UMODL1: variants seen among roughly 807,000 people sequenced by gnomAD.
The protein encoded by UMODL1 is uromodulin like 1.
UMODL1 carries 128 observed loss-of-function variants against 136.3 expected under a neutral mutation model. The observed-to-expected ratio is 0.94, with a 90% confidence interval of 0.81 to 1.09. UMODL1 has a LOEUF of 1.09. UMODL1 is among the 50% of genes least tolerant of loss of function. The probability of loss-of-function intolerance (pLI) is 0.00; values close to 1 mark genes in which losing one functional copy is unlikely to be tolerated. For synonymous variants in UMODL1, 721 were observed against 720.0 expected, an observed-to-expected ratio of 1.00 and a Z score of -0.02; for missense variants, 1,766 against 1,725.6, an observed-to-expected ratio of 1.02 and a Z score of -0.41.
At chr21:42,105,759 C>T (rs1299079163) in intron 9 of UMODL1, among the ~76,000 whole-genome samples, 4 of 152,180 alleles carry the variant, frequency 2.6e-5, no homozygotes, top group Non-Finnish European at 4.4e-5. Context: ...AGAGGGAGGG[C>T]GGCCCTGCTG....
At chr21:42,137,299 C>G in intron 21 of UMODL1, 140 bp from the exon 22 acceptor site, 1 of 1,081,078 alleles carries the variant, frequency 9.3e-7, no homozygotes, top group Non-Finnish European at 1.4e-6. Flanking sequence ...TTTGGTAACC[C>G]ACAGGCACAC....
chr21:42,136,617 C>T (rs1302265421), intron 21 of UMODL1, among the ~76,000 whole-genome samples: 3 of 152,228 alleles, frequency 2.0e-5, no homozygotes, highest in Non-Finnish European at 2.9e-5. Flanking sequence ...TGTTGGTGGA[C>T]ACTTCAGTTG....
In UMODL1 at chr21:42,122,592, T is replaced by C. The variant is rs1211919000; in HGVS notation, c.2828-239T>C. Among the ~76,000 whole-genome samples, 1 of 147,138 alleles carries C rather than the reference T, an allele frequency of 6.8e-6. No homozygotes were observed. The highest frequency in any genetic ancestry group is 1.9e-4 in the East Asian group (1 of 5,158). ...GTGTGCGTGCGTGTGTGCATGTGTG[T>C]GCATGTGTGTGCATCTCTGCGTGCA... On this transcript the variant is annotated intron_variant, in intron 16 of 22. Transcript: ENST00000408910. This position sits in a 1 kb window ranked among gnomAD's most constrained non-coding sequence, Gnocchi z 4.3.
chr21:42,081,905 G>T (rs887319679), intron 2 of UMODL1, among the ~76,000 whole-genome samples: 2 of 152,128 alleles, frequency 1.3e-5, no homozygotes, highest in Non-Finnish European at 2.9e-5. Flanking sequence ...TTTTGCACTG[G>T]GAGACAAAGC....
chr21:42,070,932 G>T (rs2066224327), upstream of UMODL1, among the ~76,000 whole-genome samples: 1 of 152,244 alleles, frequency 6.6e-6, no homozygotes. Flanking sequence ...TAGGGTAAGA[G>T]AATACTCCGT....
Position 42,140,403 on chromosome 21 carries a change from G to A in UMODL1, c.*22-1693G>A, listed in dbSNP as rs545288165. On this transcript the variant is annotated intron_variant, in intron 22 of 22. Coordinates refer to ENST00000408910, the MANE Select transcript of UMODL1 (RefSeq NM_001004416.3). ...CAGGAAGGGATGTGTCCCAGGTCACGTGGTTGGGAGGTCCAGGGCAGGAAG... is the reference window on the plus strand; with the variant it reads ...CAGGAAGGGATGTGTCCCAGGTCACATGGTTGGGAGGTCCAGGGCAGGAAG... Among the ~76,000 whole-genome samples, 13 of 150,946 alleles carry A rather than the reference G, an allele frequency of 8.6e-5. No individual in the cohort carries two copies. The South Asian group carries it at 1.5e-3, about 17-fold the overall frequency.
chr21:42,111,159 G>A, intron 11 of UMODL1, 38 bp downstream of exon 11: 1 of 1,587,084 alleles, frequency 6.3e-7, no homozygotes. Context: ...ATGGACCAGG[G>A]GAGCCCCAGC....
Position 42,122,177 on chromosome 21 carries a change from A to G in UMODL1, c.2828-654A>G, listed in dbSNP as rs144076073. ...AACCAGGCCCACAGATGATGGAGCC[A>G]CTGCTGAAGGAGGGTGGAGGGCACG... On this transcript the variant is annotated intron_variant, in intron 16 of 22. Transcript: ENST00000408910. This position sits in a 1 kb window ranked among gnomAD's most constrained non-coding sequence, Gnocchi z 4.3. Among the ~76,000 whole-genome samples, 708 of 152,288 alleles carry G rather than the reference A, an allele frequency of 4.6e-3. No homozygotes were observed. Among genetic ancestry groups the G allele is most frequent in the Middle Eastern group, 0.037 (11 of 294 alleles).
chr21:42,099,790 G>A lies in UMODL1; in HGVS notation c.1186+610G>A, dbSNP rs2066604849. On this transcript the variant is annotated intron_variant, in intron 7 of 22. Coordinates refer to ENST00000408910, the MANE Select transcript of UMODL1 (RefSeq NM_001004416.3). The surrounding 1 kb of genome is among the most constrained non-coding windows in gnomAD (Gnocchi z 4.1). ...CGACCCCCTGGACTCAAGTGATCCT[G>A]CCACCTCAGCCTCCCTAGTAGCTGG... 6.6e-6 allele frequency among the ~76,000 whole-genome samples: 1 copy of A among 152,116 alleles called. No homozygotes were observed. The highest frequency in any genetic ancestry group is 2.4e-5 in the African/African-American group (1 of 41,404).
intron 4 of UMODL1, among the ~76,000 whole-genome samples, chr21:42,087,051 C>G (rs996680967): frequency 6.6e-6 from 1 of 152,192 alleles, no homozygotes; most frequent in Non-Finnish European, 1.5e-5. Context: ...ATGTAAAGAG[C>G]TTGAGATGGT....
intron 17 of UMODL1, among the ~76,000 whole-genome samples, chr21:42,126,079 TC>T (rs2067049035): frequency 6.6e-6 from 1 of 152,188 alleles, no homozygotes; most frequent in Admixed American, 6.5e-5. Flanking sequence ...AAACTAAGTT[TC>T]CCAGAAAGAC....
chr21:42,133,838 A>G (rs2067165188), intron 21 of UMODL1, among the ~76,000 whole-genome samples: 1 of 152,148 alleles, frequency 6.6e-6, no homozygotes, highest in Admixed American at 6.5e-5. Flanking sequence ...TCCATTTCCA[A>G]ATAAGGCCAT....
chr21:42,141,300 T>C (rs536836883), intron 22 of UMODL1, among the ~76,000 whole-genome samples: 191 of 152,290 alleles, frequency 1.3e-3, no homozygotes, highest in African/African-American at 9.1e-4. Context: ...GTGAGGGGGA[T>C]GCTTGTGTTA....
chr21:42,065,661 C>G, intron 1 of UMODL1, among the ~76,000 whole-genome samples: 1 of 152,086 alleles, frequency 6.6e-6, no homozygotes, highest in African/African-American at 2.4e-5. Context: ...CCTCAGCCTC[C>G]CGAGTAGCTG....
chr21:42,127,931 G>A (rs886740039), intron 20 of UMODL1, 100 bp downstream of exon 20: 7 of 1,496,360 alleles, frequency 4.7e-6, no homozygotes, highest in South Asian at 2.3e-5. Context: ...CGAGTGGCTC[G>A]GGGCCAACCT....
intron 12 of UMODL1, among the ~76,000 whole-genome samples, chr21:42,112,752 C>T (rs2066852359): frequency 6.6e-6 from 1 of 152,072 alleles, no homozygotes; most frequent in Non-Finnish European, 1.5e-5. Context: ...TGCAGATGCT[C>T]TGGATTGTCA....
chr21:42,063,991 G>A (rs1227281321), intron 1 of UMODL1, among the ~76,000 whole-genome samples: 1 of 152,152 alleles, frequency 6.6e-6, no homozygotes, highest in Non-Finnish European at 1.5e-5. Context: ...TGGGATGTGT[G>A]GGCTGACTCG....
At chr21:42,111,794 C>T (rs371539642) in intron 12 of UMODL1, 84 bp downstream of exon 12, 18 of 1,350,034 alleles carry the variant, frequency 1.3e-5, no homozygotes, top group African/African-American at 1.0e-4. Flanking sequence ...CTCCTGCAGC[C>T]GTGGAGTCGC....
chr21:42,137,806 G>A (rs1225539937), intron 22 of UMODL1, among the ~76,000 whole-genome samples, 165 bp downstream of exon 22: 1 of 151,826 alleles, frequency 6.6e-6, no homozygotes, highest in African/African-American at 2.4e-5. Flanking sequence ...TGATAAGAAG[G>A]TGGGTGCGGA....
Sources: gnomAD v4.1 joint callset for allele counts (sites outside exome capture counted in the v4.1 genomes callset) on GRCh38, gnomAD v4.1.1 for gene constraint, Gnocchi (gnomAD v3.1) non-coding constraint, MANE v1.5 for transcripts, NCBI Gene and HGNC (gene_info 2026-07-23, HGNC 2026-07-21) for gene names.